Variants in FANCC observed in about 807,000 individuals in gnomAD.
The protein encoded by FANCC is FA complementation group C.
FANCC carries 55 observed loss-of-function variants against 71.3 expected under a neutral mutation model. The ratio of observed to expected loss-of-function variants is 0.77; its 90% CI spans 0.62 to 0.97. The LOEUF is 0.97. Among genes scored for constraint, FANCC ranks in the 50% least tolerant of loss-of-function variants. The probability of loss-of-function intolerance (pLI) is 0.00; values close to 1 mark genes in which losing one functional copy is unlikely to be tolerated. For synonymous variants in FANCC, 275 were observed against 244.9 expected, an observed-to-expected ratio of 1.12 and a Z score of -1.15; for missense variants, 678 against 670.9, an observed-to-expected ratio of 1.01 and a Z score of -0.12.
At chr9:95,120,346 C>G (rs2134766152) in intron 10 of FANCC, among the ~76,000 whole-genome samples, 2 of 152,086 alleles carry the variant, frequency 1.3e-5, no homozygotes, top group South Asian at 4.1e-4. Context: ...TATCTGGACT[C>G]AATTCTGATC....
intron 4 of FANCC, among the ~76,000 whole-genome samples, chr9:95,210,325 T>C (rs1026449274): frequency 2.1e-4 from 32 of 152,246 alleles, no homozygotes; most frequent in South Asian, 1.0e-3. Flanking sequence ...TAGATATGTG[T>C]TATTTATTAT....
intron 1 of FANCC, among the ~76,000 whole-genome samples, chr9:95,305,598 T>G (rs1036057184): frequency 6.6e-6 from 1 of 152,236 alleles, no homozygotes; most frequent in Non-Finnish European, 1.5e-5. Context: ...ACAATGCAAC[T>G]GAGTTCCATT....
At chr9:95,138,818 T>C (rs1403445664) in intron 7 of FANCC, among the ~76,000 whole-genome samples, 1 of 152,198 alleles carries the variant, frequency 6.6e-6, no homozygotes, top group Non-Finnish European at 1.5e-5. Flanking sequence ...GCATAGTCAC[T>C]CAAGCACACG....
intron 10 of FANCC, among the ~76,000 whole-genome samples, chr9:95,120,807 A>G (rs925540611): frequency 2.2e-4 from 34 of 152,186 alleles, no homozygotes; most frequent in African/African-American, 8.2e-4. Flanking sequence ...TGCTGAAATT[A>G]ATGTCATTGT....
At chr9:95,267,759 T>C (rs956201631) in intron 1 of FANCC, among the ~76,000 whole-genome samples, 3 of 152,082 alleles carry the variant, frequency 2.0e-5, no homozygotes, top group African/African-American at 7.2e-5. Flanking sequence ...AGGGTGCTTT[T>C]TAAAAAAGCT....
chr9:95,110,987 A>G, intron 13 of FANCC: 1 of 1,421,554 alleles, frequency 7.0e-7, no homozygotes, highest in South Asian at 1.5e-5. Context: ...ATGTAAATAA[A>G]GCCAGTAATG....
intron 12 of FANCC, chr9:95,114,234 TAGAGGGA>T (rs2072206546): frequency 3.1e-6 from 1 of 321,090 alleles, no homozygotes; most frequent in African/African-American, 2.1e-5. Context: ...CCTAGAGAGG[TAGAGGGA>T]AGACCACAGG....
chr9:95,268,948 G>GCAC (rs1832563874), intron 1 of FANCC, among the ~76,000 whole-genome samples: 1 of 152,106 alleles, frequency 6.6e-6, no homozygotes, highest in African/African-American at 2.4e-5. Context: ...TAGCACAAGA[G>GCAC]CACCACCTAC....
intron 4 of FANCC, among the ~76,000 whole-genome samples, chr9:95,238,929 T>A (rs1020441679): frequency 6.6e-6 from 1 of 152,206 alleles, no homozygotes; most frequent in Non-Finnish European, 1.5e-5. Context: ...TATAGTCATA[T>A]GCAAGGACTG....
intron 10 of FANCC, among the ~76,000 whole-genome samples, chr9:95,121,774 C>T (rs1358823230): frequency 6.6e-6 from 1 of 152,016 alleles, no homozygotes; most frequent in African/African-American, 2.4e-5. Context: ...ACAACCAAAA[C>T]TAAACAAAAC....
intron 3 of FANCC, among the ~76,000 whole-genome samples, chr9:95,243,559 C>T (rs1351301618): frequency 6.6e-6 from 1 of 151,358 alleles, no homozygotes; most frequent in African/African-American, 2.4e-5. Context: ...CCGAGGTGGG[C>T]GGATCACAAG....
intron 1 of FANCC, among the ~76,000 whole-genome samples, chr9:95,296,332 G>C (rs1237794483): frequency 6.6e-6 from 1 of 152,108 alleles, no homozygotes; most frequent in Non-Finnish European, 1.5e-5. Context: ...GTAGTAAAGA[G>C]ACAGATCCTC....
chr9:95,291,870 C>A (rs544051565), intron 1 of FANCC, among the ~76,000 whole-genome samples: 1 of 146,378 alleles, frequency 6.8e-6, no homozygotes, highest in South Asian at 2.2e-4. Flanking sequence ...ATCTCTTGAA[C>A]CCAGGAGGTG....
chr9:95,306,946 T>G (rs1349918685), intron 1 of FANCC, among the ~76,000 whole-genome samples: 1 of 152,208 alleles, frequency 6.6e-6, no homozygotes, highest in Non-Finnish European at 1.5e-5. Context: ...TGATCATAGC[T>G]CACTGCACCC....
At chr9:95,237,005 C>T (rs1312038449) in intron 4 of FANCC, among the ~76,000 whole-genome samples, 8 of 152,160 alleles carry the variant, frequency 5.3e-5, no homozygotes, top group Non-Finnish European at 8.8e-5. Flanking sequence ...GCTGCATTTA[C>T]AGCCAACATG....
intron 1 of FANCC, among the ~76,000 whole-genome samples, chr9:95,311,465 A>G (rs1380788942): frequency 6.6e-6 from 1 of 152,212 alleles, no homozygotes; most frequent in Non-Finnish European, 1.5e-5. Context: ...AAAATCTTAT[A>G]AAAGAAGCAA....
chr9:95,297,968 T>C (rs1346228964), intron 1 of FANCC, among the ~76,000 whole-genome samples: 1 of 152,224 alleles, frequency 6.6e-6, no homozygotes, highest in Non-Finnish European at 1.5e-5. Flanking sequence ...CTCTGGACTT[T>C]ATTCTAAGAG....
chr9:95,104,860 C>T lies in FANCC; in HGVS notation c.1533+2206G>A, dbSNP rs1300438476. Among the ~76,000 whole-genome samples, 3 of 152,148 alleles carry T rather than the reference C, an allele frequency of 2.0e-5. No individual in the cohort carries two copies. The East Asian group carries it at 5.8e-4, about 29-fold the overall frequency. ...GCAGGGCTGACCATCTCCCCACTGC[C>T]CCTCCCCAGCCCCCCATAAGCACCT... On this transcript the variant is annotated intron_variant, in intron 14 of 14. Coordinates refer to ENST00000289081, the MANE Select transcript of FANCC (RefSeq NM_000136.3).
At chr9:95,146,487 C>CAA (rs61093923) in intron 7 of FANCC, among the ~76,000 whole-genome samples, 9,512 of 45,494 alleles carry the variant, frequency 0.21, 1,825 homozygotes, top group South Asian at 0.31. Flanking sequence ...GACCCCATCT[C>CAA]AAAAAAAAAA....
Sources: gnomAD v4.1 joint callset for allele counts (sites outside exome capture counted in the v4.1 genomes callset) on GRCh38, gnomAD v4.1.1 for gene constraint, MANE v1.5 for transcripts, NCBI Gene and HGNC (gene_info 2026-07-23, HGNC 2026-07-21) for gene names.